Variants in DPH6 observed in about 807,000 individuals in gnomAD.
DPH6 encodes diphthine--ammonia ligase.
A neutral mutation model predicts 38.2 loss-of-function variants in DPH6; 33 were observed. The ratio of observed to expected loss-of-function variants is 0.86; its 90% CI spans 0.65 to 1.15. The LOEUF (loss-of-function observed/expected upper bound fraction) is 1.15, where lower values mean the gene tolerates loss of function less well. Ranked by LOEUF, DPH6 falls within the 50% of genes most tolerant of loss-of-function variation. The pLI, the probability that DPH6 is intolerant of heterozygous loss-of-function variation, is 0.00. For missense variants in DPH6, 325 were observed against 320.0 expected (o/e 1.02, Z -0.12); for synonymous variants, 108 against 103.0 (o/e 1.05, Z -0.30).
downstream of DPH6, among the ~76,000 whole-genome samples, chr15:35,329,052 T>C (rs973943964): frequency 6.6e-6 from 1 of 152,138 alleles, no homozygotes; most frequent in Non-Finnish European, 1.5e-5. Context: ...TCCCACTGGG[T>C]CCCTCCCACA....
chr15:35,370,292 T>C (rs2052699508), downstream of DPH6, among the ~76,000 whole-genome samples: 1 of 150,704 alleles, frequency 6.6e-6, no homozygotes, highest in African/African-American at 2.5e-5. Flanking sequence ...ATTTTACAGA[T>C]AGATATAACA....
At chr15:35,173,390 TTC>T in the DPH6 span, among the ~76,000 whole-genome samples, 3 of 152,220 alleles carry the variant, frequency 2.0e-5, no homozygotes, top group Non-Finnish European at 4.4e-5. Flanking sequence ...ATATGCCTAT[TTC>T]TCTCTGTTGT....
At chr15:35,185,191 G>C in the DPH6 span, among the ~76,000 whole-genome samples, 1 of 152,064 alleles carries the variant, frequency 6.6e-6, no homozygotes, top group African/African-American at 2.4e-5. Flanking sequence ...CTACCTTTTG[G>C]AATAATTTCA....
intron 3 of DPH6, among the ~76,000 whole-genome samples, chr15:35,250,442 A>G (rs1297079732): frequency 6.6e-6 from 1 of 152,100 alleles, no homozygotes; most frequent in African/African-American, 2.4e-5. Flanking sequence ...GTTTGGGTTT[A>G]TTTTTCCATT....
chr15:35,546,072 C>A, intron 1 of DPH6, 47 bp downstream of exon 1: 2 of 1,340,152 alleles, frequency 1.5e-6, no homozygotes, highest in South Asian at 4.0e-5. Flanking sequence ...CTGGAAGGGA[C>A]GAGAGCCTGG....
At chr15:35,425,208 C>T (rs2053553813) in intron 5 of DPH6, among the ~76,000 whole-genome samples, 1 of 151,466 alleles carries the variant, frequency 6.6e-6, no homozygotes, top group African/African-American at 2.4e-5. Context: ...GTCTCACTTT[C>T]CAATCATGCC....
At chr15:35,311,520 G>T (rs546237185) in intron 3 of DPH6, among the ~76,000 whole-genome samples, 1 of 152,096 alleles carries the variant, frequency 6.6e-6, no homozygotes, top group Non-Finnish European at 1.5e-5. Context: ...CCAAATAGAT[G>T]CCCTCCTTAT....
chr15:35,530,842 A>C (rs926843915), intron 3 of DPH6, among the ~76,000 whole-genome samples: 3 of 152,216 alleles, frequency 2.0e-5, no homozygotes, highest in African/African-American at 4.8e-5. Flanking sequence ...GCACAGCCTC[A>C]ATAAAGCTGC....
chr15:35,199,808 G>A, the DPH6 span, among the ~76,000 whole-genome samples: 4 of 151,692 alleles, frequency 2.6e-5, no homozygotes, highest in Non-Finnish European at 5.9e-5. Flanking sequence ...CTGTTGTCCT[G>A]GAAATAGGAG....
At chr15:35,446,938 G>A (rs998740654) in intron 5 of DPH6, among the ~76,000 whole-genome samples, 3 of 151,108 alleles carry the variant, frequency 2.0e-5, no homozygotes, top group African/African-American at 4.9e-5. Flanking sequence ...GCGTGATCTC[G>A]GCTCATTGCA....
At chr15:35,508,733 G>T (rs1423306032) in intron 3 of DPH6, among the ~76,000 whole-genome samples, 1 of 152,140 alleles carries the variant, frequency 6.6e-6, no homozygotes, top group African/African-American at 2.4e-5. Flanking sequence ...GCTAAATCAT[G>T]AATGTTAATA....
At chr15:35,348,528 C>A (rs1303381851) in intron 3 of DPH6, among the ~76,000 whole-genome samples, 2 of 152,006 alleles carry the variant, frequency 1.3e-5, no homozygotes, top group Non-Finnish European at 2.9e-5. Flanking sequence ...TAGTATCATA[C>A]CGTTTTGACT....
At chr15:35,537,293 C>G (rs959240557) in intron 3 of DPH6, among the ~76,000 whole-genome samples, 6 of 151,978 alleles carry the variant, frequency 3.9e-5, no homozygotes, top group African/African-American at 1.4e-4. Context: ...TGCAATGTAC[C>G]TTTGTAGAGG....
downstream of DPH6, among the ~76,000 whole-genome samples, chr15:35,367,144 C>A (rs1432859456): frequency 6.6e-6 from 1 of 151,258 alleles, no homozygotes; most frequent in East Asian, 1.9e-4. Flanking sequence ...TATAATTGTC[C>A]CAGGAAATTA....
At chr15:35,161,012 G>A in the DPH6 span, among the ~76,000 whole-genome samples, 3 of 151,920 alleles carry the variant, frequency 2.0e-5, no homozygotes, top group South Asian at 6.2e-4. Flanking sequence ...AGTGGGGAGG[G>A]ATAGCATTAG....
intron 3 of DPH6, among the ~76,000 whole-genome samples, chr15:35,321,071 C>T (rs1412811376): frequency 6.6e-6 from 1 of 152,138 alleles, no homozygotes; most frequent in African/African-American, 2.4e-5. Flanking sequence ...ACCTCTGGTC[C>T]CATGATGACC....
intron 6 of DPH6, among the ~76,000 whole-genome samples, chr15:35,393,419 T>C (rs984341053): frequency 2.6e-5 from 4 of 152,210 alleles, no homozygotes; most frequent in African/African-American, 9.6e-5. Flanking sequence ...TTATATGACA[T>C]GAGAAGACTT....
chr15:35,270,914 C>G (rs757017466), intron 3 of DPH6, among the ~76,000 whole-genome samples: 6 of 152,160 alleles, frequency 3.9e-5, no homozygotes, highest in Non-Finnish European at 8.8e-5. Flanking sequence ...TAGCTCAGTA[C>G]ACAGACACAG....
At chr15:35,453,664 T>C in intron 4 of DPH6, among the ~76,000 whole-genome samples, 1 of 152,098 alleles carries the variant, frequency 6.6e-6, no homozygotes, top group East Asian at 1.9e-4. Context: ...CTGATACACC[T>C]CTAAAATGTA....
Sources: gnomAD v4.1 joint callset for allele counts (sites outside exome capture counted in the v4.1 genomes callset) on GRCh38, gnomAD v4.1.1 for gene constraint, MANE v1.5 for transcripts, NCBI Gene and HGNC (gene_info 2026-07-23, HGNC 2026-07-21) for gene names.